TTC28: variants seen among roughly 807,000 people sequenced by gnomAD.
TTC28 encodes the protein tetratricopeptide repeat protein 28.
In TTC28, 61 loss-of-function variants were observed where a neutral mutation model predicts 198.0. The ratio of observed to expected loss-of-function variants is 0.31; its 90% CI spans 0.25 to 0.38. The LOEUF (loss-of-function observed/expected upper bound fraction) is 0.38, where lower values mean the gene tolerates loss of function less well. TTC28 is among the 10% of genes least tolerant of loss of function. TTC28 has a pLI of 1.00. For missense variants in TTC28, 2,678 were observed against 3,164.0 expected (o/e 0.85, Z 3.69); for synonymous variants, 1,171 against 1,297.8 (o/e 0.90, Z 2.10).
intron 3 of TTC28, among the ~76,000 whole-genome samples, chr22:28,301,443 T>C (rs1474204775): frequency 1.3e-5 from 2 of 152,228 alleles, no homozygotes; most frequent in Non-Finnish European, 2.9e-5. Flanking sequence ...GTAAAGGCTT[T>C]AAAAATTTAA....
At chr22:28,648,301 G>A (rs1431880057) in intron 1 of TTC28, among the ~76,000 whole-genome samples, 1 of 150,628 alleles carries the variant, frequency 6.6e-6, no homozygotes, top group African/African-American at 2.4e-5. Context: ...AGACACCACT[G>A]TATCCCAGCC....
chr22:28,285,583 A>G (rs754728833), intron 5 of TTC28, among the ~76,000 whole-genome samples: 32 of 152,210 alleles, frequency 2.1e-4, no homozygotes, highest in South Asian at 8.3e-4. Flanking sequence ...AACTCATACA[A>G]ACGATAACTA....
chr22:28,406,287 T>G (rs909948319), intron 2 of TTC28, among the ~76,000 whole-genome samples: 1 of 152,222 alleles, frequency 6.6e-6, no homozygotes, highest in Non-Finnish European at 1.5e-5. Flanking sequence ...ATAGCAATAA[T>G]CCCACAGTAA....
At chr22:28,387,706 C>G (rs939129649) in intron 2 of TTC28, among the ~76,000 whole-genome samples, 6 of 152,172 alleles carry the variant, frequency 3.9e-5, no homozygotes, top group East Asian at 1.9e-4. Context: ...TGTTTTTCTT[C>G]TAAATTTGTT....
At position 27,982,042 on chromosome 22, in the gene TTC28, G is replaced by A; in HGVS notation, c.*179C>T. On this transcript the variant is annotated 3_prime_UTR_variant, in exon 23 of 23. Coordinates refer to ENST00000397906, the MANE Select transcript of TTC28 (RefSeq NM_001145418.2). The surrounding 1 kb of genome is among the most constrained non-coding windows in gnomAD (Gnocchi z 5.2). ...GAAGTCCTGGCTTTTGGTGAATGTGGCCCAGAAAAGCCACCAGTGTGTGTG... is the reference window on the plus strand; with the variant it reads ...GAAGTCCTGGCTTTTGGTGAATGTGACCCAGAAAAGCCACCAGTGTGTGTG... The A allele has an allele frequency of 1.8e-6, 1 of 561,942 alleles. No homozygotes were observed. Among genetic ancestry groups the A allele is most frequent in the South Asian group, 4.7e-5 (1 of 21,086 alleles). 34.8% of individuals were successfully genotyped at this position (561,942 alleles called of 1,614,324 possible).
At chr22:27,992,004 ATCCT>A (rs1937429839) in intron 19 of TTC28, among the ~76,000 whole-genome samples, 1 of 152,204 alleles carries the variant, frequency 6.6e-6, no homozygotes, top group Non-Finnish European at 1.5e-5. Context: ...ACCTGCAGCC[ATCCT>A]GGTGGGCTGG....
chr22:28,475,748 GTT>G (rs1223133569), intron 2 of TTC28, among the ~76,000 whole-genome samples: 3 of 152,146 alleles, frequency 2.0e-5, no homozygotes, highest in Admixed American at 1.3e-4. Context: ...TTATTTCCAA[GTT>G]TATAAATGCC....
At chr22:28,038,384 T>A (rs1939455250) in intron 12 of TTC28, among the ~76,000 whole-genome samples, 1 of 152,328 alleles carries the variant, frequency 6.6e-6, no homozygotes, top group South Asian at 2.1e-4. Context: ...AACTATCTGA[T>A]CTTTGACAAA....
intron 2 of TTC28, among the ~76,000 whole-genome samples, chr22:28,374,266 G>A (rs577040698): frequency 7.9e-5 from 12 of 152,286 alleles, no homozygotes; most frequent in Non-Finnish European, 1.3e-4. Context: ...AAACAAACAT[G>A]TATTAATTAC....
At chr22:28,243,751 C>A (rs945976933) in intron 5 of TTC28, among the ~76,000 whole-genome samples, 1 of 152,084 alleles carries the variant, frequency 6.6e-6, no homozygotes, top group Non-Finnish European at 1.5e-5. Context: ...ACAGAAAAAA[C>A]AAGCAGGCAA....
In TTC28 at chr22:28,145,386, T is replaced by C. The variant is rs547904466; in HGVS notation, c.1441+17706A>G. Among the ~76,000 whole-genome samples, 13 of 152,306 alleles carry C rather than the reference T, an allele frequency of 8.5e-5. No homozygotes were observed. The East Asian group carries it at 1.9e-3, about 23-fold the overall frequency. ...TGTCTAACTCCTAGGTCAGCCGTCT[T>C]GGCACCACAAAACATTAGATACACC... On this transcript the variant is annotated intron_variant, in intron 6 of 22. Transcript: ENST00000397906.
chr22:28,018,020 C>T (rs1295875335), intron 13 of TTC28, among the ~76,000 whole-genome samples: 1 of 152,226 alleles, frequency 6.6e-6, no homozygotes, highest in East Asian at 1.9e-4. Flanking sequence ...ACTTGCTGGC[C>T]TCTGCCCCCC....
chr22:28,092,472 G>A (rs1468195493), intron 12 of TTC28, among the ~76,000 whole-genome samples: 1 of 152,204 alleles, frequency 6.6e-6, no homozygotes, highest in Non-Finnish European at 1.5e-5. Context: ...GTGGGACCTT[G>A]TGTCCCTAAA....
rs1942376198 is a variant in TTC28, at chr22:28,108,120, T to C, written c.1725A>G (p.Gln575=). The C allele has an allele frequency of 9.0e-6, 14 of 1,551,690 alleles. No individual in the cohort carries two copies. Among genetic ancestry groups the C allele is most frequent in the Middle Eastern group, 1.7e-4 (1 of 5,992 alleles). ...CGATGTTCAAGTGGTTCTGATAGTGTTGCAGGGCCCGGTCATGGGCACCCA... is the reference window on the plus strand; with the variant it reads ...CGATGTTCAAGTGGTTCTGATAGTGCTGCAGGGCCCGGTCATGGGCACCCA... The part of the protein sequence containing the change: ...QALGAHDRAL[Q]HYQNHLNIAR... Residue 575 remains glutamine, a synonymous_variant, in exon 7 of 23, where the codon CAA becomes CAG. Coordinates refer to ENST00000397906, the MANE Select transcript of TTC28 (RefSeq NM_001145418.2).
rs992515365 is a variant in TTC28 at position 27,996,123 on chromosome 22, C to G, written c.5244+12G>C. On this transcript the variant is annotated intron_variant, in intron 17 of 22. Transcript: ENST00000397906. ...CAGCTCTCGTTGAGTGCAGGGTGCCCGACCCCCTTACCAGGTGCAGCAGCA... is the reference window on the plus strand; with the variant it reads ...CAGCTCTCGTTGAGTGCAGGGTGCCGGACCCCCTTACCAGGTGCAGCAGCA... The G allele has an allele frequency of 1.3e-6, 2 of 1,545,882 alleles. No individual in the cohort carries two copies. The highest frequency in any genetic ancestry group is 1.7e-6 in the Non-Finnish European group (2 of 1,146,200).
At chr22:28,253,151 A>C (rs1180887018) in intron 5 of TTC28, among the ~76,000 whole-genome samples, 1 of 152,214 alleles carries the variant, frequency 6.6e-6, no homozygotes, top group African/African-American at 2.4e-5. Flanking sequence ...ATATAGCTTA[A>C]ATAAAAAGCA....
chr22:28,288,293 A>C (rs1323370283), intron 5 of TTC28, among the ~76,000 whole-genome samples: 2 of 152,140 alleles, frequency 1.3e-5, no homozygotes, highest in African/African-American at 4.8e-5. Flanking sequence ...AAATTTTGTA[A>C]TTAAGGTTTA....
chr22:28,039,462 T>A (rs549582517), intron 12 of TTC28, among the ~76,000 whole-genome samples: 1 of 149,260 alleles, frequency 6.7e-6, no homozygotes, highest in African/African-American at 2.5e-5. Context: ...TAGGTGGGAA[T>A]TGAACAATGA....
At chr22:28,275,596 T>G (rs767401185) in intron 5 of TTC28, among the ~76,000 whole-genome samples, 9 of 152,148 alleles carry the variant, frequency 5.9e-5, no homozygotes, top group African/African-American at 1.9e-4. Flanking sequence ...TTGTTTTACA[T>G]GAAAGTGCCC....
Sources: gnomAD v4.1 joint callset for allele counts (sites outside exome capture counted in the v4.1 genomes callset) on GRCh38, gnomAD v4.1.1 for gene constraint, Gnocchi (gnomAD v3.1) non-coding constraint, MANE v1.5 for transcripts, NCBI Gene and HGNC (gene_info 2026-07-23, HGNC 2026-07-21) for gene names.